MTOR: variants seen among roughly 807,000 people sequenced by gnomAD.
The protein encoded by MTOR is serine/threonine-protein kinase mTOR.
Under a neutral mutation model 319.8 loss-of-function variants are expected in MTOR, and 70 were observed. The observed-to-expected ratio is 0.22, with a 90% CI of 0.18 to 0.27. The LOEUF (loss-of-function observed/expected upper bound fraction) is 0.27. Ranked by LOEUF, MTOR falls within the 10% of genes least tolerant of loss-of-function variation. The pLI, the probability that MTOR is intolerant of heterozygous loss-of-function variation, is 1.00. For missense variants in MTOR, 1,890 were observed against 3,274.4 expected, an observed-to-expected ratio of 0.58 and a Z score of 10.32; for synonymous variants, 1,183 against 1,211.4, an observed-to-expected ratio of 0.98 and a Z score of 0.49.
At position 11,228,621 on chromosome 1, in the gene MTOR, G is replaced by T. The variant is rs146106031; in HGVS notation, c.3030+47C>A. The T allele has an allele frequency of 7.8e-5, 125 of 1,597,982 alleles. No individual in the cohort carries two copies. The African/African-American group carries it at 1.5e-3, about 19-fold the overall frequency. On this transcript the variant is annotated intron_variant, in intron 19 of 57. Transcript: ENST00000361445. ...CTGAAGCACAGATGGATCTGTGCAT[G>T]TGTGGTGCAGAGGAGAAAGAGAAGG...
chr1:11,201,445 C>G (rs1303429237), intron 26 of MTOR, among the ~76,000 whole-genome samples: 2 of 152,190 alleles, frequency 1.3e-5, no homozygotes, highest in Non-Finnish European at 2.9e-5. Context: ...ATCAAACCAA[C>G]AGTCTCAGGG....
Position 11,116,310 on chromosome 1 carries a change from T to G in MTOR, c.7016+694A>C, listed in dbSNP as rs547854143. 4.6e-5 allele frequency among the ~76,000 whole-genome samples: 7 copies of G among 152,290 alleles called. No individual in the cohort carries two copies. The South Asian group carries it at 1.0e-3, about 23-fold the overall frequency. On this transcript the variant is annotated intron_variant, in intron 50 of 57. Transcript: ENST00000361445. ...CTTGAATCAATAAAATCAATATGAT[T>G]TAGTATTTTTGTTTTTTTCTTTGAG... is the stretch of plus-strand genomic sequence containing the variant.
chr1:11,179,463 C>T (rs573563343), intron 28 of MTOR, among the ~76,000 whole-genome samples: 1 of 152,354 alleles, frequency 6.6e-6, no homozygotes, highest in Admixed American at 6.5e-5. Flanking sequence ...AGGGATACCA[C>T]TGAAATACAG....
At chr1:11,146,610 A>G (rs1483645738) in intron 32 of MTOR, 66 bp downstream of exon 32, 2 of 1,229,618 alleles carry the variant, frequency 1.6e-6, no homozygotes, top group East Asian at 2.3e-5. Context: ...TTACCAAAGC[A>G]CCGTGGGCTT....
At chr1:11,220,031 C>CAAAAA (rs35124153) in intron 19 of MTOR, among the ~76,000 whole-genome samples, 48 of 49,678 alleles carry the variant, frequency 9.7e-4, no homozygotes, top group East Asian at 2.5e-3. Flanking sequence ...GACTTGATCT[C>CAAAAA]AAAAAAAAAA....
intron 6 of MTOR, 138 bp from the exon 7 acceptor site, chr1:11,248,232 T>C: frequency 3.3e-6 from 3 of 898,694 alleles, no homozygotes; most frequent in Non-Finnish European, 3.4e-6. Flanking sequence ...CCACTCTTCA[T>C]GTTTAGGGTT....
At chr1:11,196,392 G>C (rs891623017) in intron 28 of MTOR, among the ~76,000 whole-genome samples, 1 of 152,126 alleles carries the variant, frequency 6.6e-6, no homozygotes, top group Non-Finnish European at 1.5e-5. Flanking sequence ...TAAGGAGATG[G>C]GGGTAGTTTA....
chr1:11,248,109 A>C lies in MTOR; in HGVS notation c.841-15T>G. The C allele has an allele frequency of 6.4e-7, 1 of 1,563,614 alleles. No homozygotes were observed. Among genetic ancestry groups the C allele is most frequent in the Non-Finnish European group, 8.7e-7 (1 of 1,151,930 alleles). ...TCTCTCAGACGCTATATATATGAGG[A>C]GGAAAAAAATCATCTTTACTTATGA... On this transcript the variant is annotated splice_polypyrimidine_tract_variant and intron_variant, in intron 6 of 57. Coordinates refer to ENST00000361445, the MANE Select transcript of MTOR (RefSeq NM_004958.4).
chr1:11,244,521 C>T (rs1172388659), intron 8 of MTOR, among the ~76,000 whole-genome samples: 2 of 151,882 alleles, frequency 1.3e-5, no homozygotes, highest in Non-Finnish European at 2.9e-5. Context: ...ATCCCAGCTA[C>T]TCGGAAGGCT....
At chr1:11,229,367 C>G (rs1000989164) in intron 18 of MTOR, among the ~76,000 whole-genome samples, 2 of 152,204 alleles carry the variant, frequency 1.3e-5, no homozygotes, top group African/African-American at 4.8e-5. Flanking sequence ...CTGACTTGAA[C>G]AGTAAGGACC....
At chr1:11,134,666 A>T (rs1420777344) in intron 36 of MTOR, among the ~76,000 whole-genome samples, 200 bp from the exon 37 acceptor site, 1 of 152,218 alleles carries the variant, frequency 6.6e-6, no homozygotes, top group African/African-American at 2.4e-5. Flanking sequence ...TTCATGACTT[A>T]TTCAACTCAA....
rs1651269656 is a variant in MTOR at position 11,262,427 on chromosome 1, G to C, written c.-15+18C>G. 6.6e-6 allele frequency: 1 copy of C among 152,434 alleles called. No individual in the cohort carries two copies. Among genetic ancestry groups the C allele is most frequent in the Non-Finnish European group, 1.5e-5 (1 of 68,102 alleles). 9.4% of individuals were successfully genotyped at this position (152,434 alleles called of 1,614,324 possible). A position where few individuals can be genotyped will look rare whatever the true frequency, so the allele number is the denominator to read the frequency against. On this transcript the variant is annotated intron_variant, in intron 1 of 57. Coordinates refer to ENST00000361445, the MANE Select transcript of MTOR (RefSeq NM_004958.4). ...CATTACGCCGCCCTAGAGGGGTCGTGCCAGGCCCTAGACTCACCGCGCGGC... is the reference window on the plus strand; with the variant it reads ...CATTACGCCGCCCTAGAGGGGTCGTCCCAGGCCCTAGACTCACCGCGCGGC...
intron 26 of MTOR, among the ~76,000 whole-genome samples, chr1:11,204,178 C>G (rs1415261853): frequency 6.6e-6 from 1 of 152,226 alleles, no homozygotes; most frequent in Non-Finnish European, 1.5e-5. Flanking sequence ...ATTGCAGATT[C>G]AGGAGTAAAA....
chr1:11,243,031 G>A (rs184935626), intron 9 of MTOR, 83 bp downstream of exon 9: 187 of 1,507,096 alleles, frequency 1.2e-4, no homozygotes, highest in Non-Finnish European at 1.6e-4. Flanking sequence ...AAAAATGGGC[G>A]TAAGCTCCGT....
chr1:11,208,611 A>T (rs904125166), intron 25 of MTOR, among the ~76,000 whole-genome samples: 4 of 152,234 alleles, frequency 2.6e-5, no homozygotes, highest in African/African-American at 9.6e-5. Context: ...CAAAATGGAA[A>T]ATACTCGATG....
chr1:11,128,337 G>A lies in MTOR; in HGVS notation c.5910+117C>T. 7.9e-7 allele frequency: 1 copy of A among 1,273,274 alleles called. No homozygotes were observed. 78.9% of individuals were successfully genotyped at this position (1,273,274 alleles called of 1,614,324 possible). A position where few individuals can be genotyped will look rare whatever the true frequency, so the allele number is the denominator to read the frequency against. On this transcript the variant is annotated intron_variant, in intron 42 of 57. Coordinates refer to ENST00000361445, the MANE Select transcript of MTOR (RefSeq NM_004958.4). This position sits in a 1 kb window ranked among gnomAD's most constrained non-coding sequence, Gnocchi z 5.3. The stretch of plus-strand genomic sequence containing the variant: ...ACGGCTGGCTGGACAGACCCTCCTG[G>A]GCCAGGATGGAACACATGGCTCCCA...
intron 16 of MTOR, 115 bp downstream of exon 16, chr1:11,232,321 T>G (rs563149927): frequency 4.7e-6 from 3 of 643,392 alleles, no homozygotes; most frequent in Non-Finnish European, 8.1e-6. Context: ...GAGCACCTAC[T>G]ATGTGTCACA....
intron 28 of MTOR, among the ~76,000 whole-genome samples, chr1:11,180,969 G>C (rs957085210): frequency 6.6e-6 from 1 of 152,042 alleles, no homozygotes; most frequent in African/African-American, 2.4e-5. Context: ...TAGAGACGGG[G>C]TTTCACCACA....
At chr1:11,201,489 C>A (rs1645967000) in intron 26 of MTOR, among the ~76,000 whole-genome samples, 1 of 152,208 alleles carries the variant, frequency 6.6e-6, no homozygotes, top group Admixed American at 6.5e-5. Context: ...ATCATAACAG[C>A]AAACCAGCTG....
Sources: gnomAD v4.1 joint callset for allele counts (sites outside exome capture counted in the v4.1 genomes callset) on GRCh38, gnomAD v4.1.1 for gene constraint, Gnocchi (gnomAD v3.1) non-coding constraint, MANE v1.5 for transcripts, NCBI Gene and HGNC (gene_info 2026-07-23, HGNC 2026-07-21) for gene names.